The following NDUFAF6 variants were observed in gnomAD, a reference collection of about 807,000 sequenced individuals.
NDUFAF6 encodes NADH:ubiquinone oxidoreductase complex assembly factor 6.
A neutral mutation model predicts 40.8 loss-of-function variants in NDUFAF6; 45 were observed. The ratio of observed to expected loss-of-function variants is 1.10; its 90% CI spans 0.87 to 1.42. The LOEUF (loss-of-function observed/expected upper bound fraction) is 1.42. NDUFAF6 is among the 40% of genes most tolerant of loss of function. The pLI is 0.00. For synonymous variants in NDUFAF6, 185 were observed against 155.9 expected (o/e 1.19, Z -1.39); for missense variants, 435 against 418.5 (o/e 1.04, Z -0.34).
chr8:94,949,681 G>T (rs536721163), intron 2 of NDUFAF6, among the ~76,000 whole-genome samples: 2 of 152,188 alleles, frequency 1.3e-5, no homozygotes, highest in African/African-American at 4.8e-5. Context: ...AGCGGGGTGC[G>T]TAAGAGGCGG....
chr8:95,095,928 G>A (rs188987480), upstream of NDUFAF6, among the ~76,000 whole-genome samples: 22 of 152,296 alleles, frequency 1.4e-4, no homozygotes, highest in Middle Eastern at 3.4e-3. Flanking sequence ...GCCTCCTAAA[G>A]TACTGAGATT....
intron 1 of NDUFAF6, among the ~76,000 whole-genome samples, chr8:94,975,069 C>G (rs1449723358): frequency 6.6e-6 from 1 of 152,220 alleles, no homozygotes; most frequent in African/African-American, 2.4e-5. Flanking sequence ...CTTGGAGGAG[C>G]CTGAACCAAG....
chr8:95,075,136 AC>A (rs2132042951), intron 9 of NDUFAF6, among the ~76,000 whole-genome samples: 1 of 152,334 alleles, frequency 6.6e-6, no homozygotes, highest in South Asian at 2.1e-4. Context: ...GGGTCAACAG[AC>A]AAATGAAAGA....
At chr8:94,903,280 G>A (rs1357988443) in intron 1 of NDUFAF6, among the ~76,000 whole-genome samples, 2 of 152,052 alleles carry the variant, frequency 1.3e-5, no homozygotes, top group Non-Finnish European at 1.5e-5. Flanking sequence ...GATCACTTGA[G>A]CCCAGGAGGT....
At chr8:94,912,941 T>C (rs898219531) in intron 1 of NDUFAF6, among the ~76,000 whole-genome samples, 2 of 152,220 alleles carry the variant, frequency 1.3e-5, no homozygotes, top group Admixed American at 1.3e-4. Flanking sequence ...ATCACGCCAC[T>C]GCATTCCAGC....
chr8:94,971,694 T>C (rs1824472620), intron 1 of NDUFAF6, among the ~76,000 whole-genome samples: 1 of 152,194 alleles, frequency 6.6e-6, no homozygotes, highest in African/African-American at 2.4e-5. Flanking sequence ...CCCAGCACTT[T>C]GGGAGGCGGA....
At chr8:94,899,606 GTC>G (rs1269977118) in intron 1 of NDUFAF6, among the ~76,000 whole-genome samples, 25 of 152,222 alleles carry the variant, frequency 1.6e-4, no homozygotes, top group African/African-American at 6.0e-4. Flanking sequence ...CCACAGTAGA[GTC>G]TGACTCCAGC....
At chr8:95,069,652 C>T (rs943817358) in intron 9 of NDUFAF6, among the ~76,000 whole-genome samples, 18 of 150,432 alleles carry the variant, frequency 1.2e-4, no homozygotes, top group Admixed American at 1.1e-3. Flanking sequence ...TGGTGATGGG[C>T]GCCTATAATC....
chr8:94,981,047 T>C (rs1825401948), intron 2 of NDUFAF6: 1 of 451,230 alleles, frequency 2.2e-6, no homozygotes, highest in Non-Finnish European at 4.5e-6. Context: ...AGTATTACCA[T>C]GGTTTTAATA....
At chr8:94,904,320 CT>C (rs57749627) in intron 1 of NDUFAF6, among the ~76,000 whole-genome samples, 749 of 34,134 alleles carry the variant, frequency 0.022, 48 homozygotes, top group African/African-American at 0.027. Flanking sequence ...ATTTTTTTTG[CT>C]TTTTTTTTTT....
chr8:95,011,656 T>C (rs998039116), intron 2 of NDUFAF6, among the ~76,000 whole-genome samples: 4 of 152,196 alleles, frequency 2.6e-5, no homozygotes, highest in Non-Finnish European at 4.4e-5. Flanking sequence ...TAGATCAGAT[T>C]TGGGTTTAGG....
intron 2 of NDUFAF6, among the ~76,000 whole-genome samples, chr8:95,094,115 CAT>C (rs1809358820): frequency 6.6e-6 from 1 of 152,076 alleles, no homozygotes; most frequent in African/African-American, 2.4e-5. Flanking sequence ...GGATTACAGG[CAT>C]GCACCACCAC....
chr8:94,931,911 G>T (rs1012625123), intron 1 of NDUFAF6, among the ~76,000 whole-genome samples: 6 of 152,172 alleles, frequency 3.9e-5, no homozygotes, highest in African/African-American at 1.2e-4. Flanking sequence ...GGTGGAGGCT[G>T]CTGTGAGCCA....
chr8:95,062,039 C>G (rs1387689471), downstream of NDUFAF6, among the ~76,000 whole-genome samples: 2 of 151,958 alleles, frequency 1.3e-5, no homozygotes, highest in Non-Finnish European at 2.9e-5. Context: ...TGTCTGTAGT[C>G]CCAGCTACTC....
At chr8:94,917,340 C>T (rs907722322) in intron 1 of NDUFAF6, among the ~76,000 whole-genome samples, 3 of 152,112 alleles carry the variant, frequency 2.0e-5, no homozygotes, top group African/African-American at 7.2e-5. Context: ...GGTAGTCTAA[C>T]GTACTTACTG....
At chr8:94,929,290 TA>T (rs1820166846) in intron 1 of NDUFAF6, 1 of 151,902 alleles carries the variant, frequency 6.6e-6, no homozygotes, top group East Asian at 1.9e-4. Flanking sequence ...GTGAGGGAGG[TA>T]AATGTCACTG....
intron 5 of NDUFAF6, among the ~76,000 whole-genome samples, chr8:95,116,037 C>T (rs1219813385): frequency 6.6e-6 from 1 of 152,052 alleles, no homozygotes; most frequent in East Asian, 1.9e-4. Context: ...ATTCGGGAGG[C>T]TGAGGCGGAA....
chr8:94,936,256 G>C (rs775006942), intron 1 of NDUFAF6, among the ~76,000 whole-genome samples: 7 of 152,222 alleles, frequency 4.6e-5, no homozygotes, highest in Non-Finnish European at 1.0e-4. Context: ...TAGGAGGGCA[G>C]TGCCCAGAAG....
chr8:94,969,050 A>G (rs12549003), intron 1 of NDUFAF6, among the ~76,000 whole-genome samples: 98,409 of 151,990 alleles, frequency 0.65, 32,791 homozygotes, highest in East Asian at 0.78. Context: ...AGATAGCCAA[A>G]TGAAGATGTT....
Sources: gnomAD v4.1 joint callset for allele counts (sites outside exome capture counted in the v4.1 genomes callset) on GRCh38, gnomAD v4.1.1 for gene constraint, MANE v1.5 for transcripts, NCBI Gene and HGNC (gene_info 2026-07-23, HGNC 2026-07-21) for gene names.